LRRIQ3: variants seen among roughly 807,000 people sequenced by gnomAD.
LRRIQ3 encodes leucine rich repeats and IQ motif containing 3, also known as leucine-rich repeat and IQ domain-containing protein 3.
In LRRIQ3, 75 loss-of-function variants were observed where a neutral mutation model predicts 59.3. The observed-to-expected ratio is 1.26, with a 90% CI of 1.05 to 1.53. LRRIQ3 has a LOEUF of 1.53. LRRIQ3 is among the 40% of genes most tolerant of loss of function. The pLI, the probability that LRRIQ3 is intolerant of heterozygous loss-of-function variation, is 0.00. For synonymous variants in LRRIQ3, 250 were observed against 231.3 expected (o/e 1.08, Z -0.73); for missense variants, 831 against 710.0 (o/e 1.17, Z -1.94).
At chr1:74,033,961 GC>G (rs920382620) in intron 7 of LRRIQ3, among the ~76,000 whole-genome samples, 19 of 151,960 alleles carry the variant, frequency 1.3e-4, no homozygotes, top group African/African-American at 4.6e-4. Context: ...CCCCTGACTA[GC>G]TTTTATCTGA....
chr1:74,132,143 A>C (rs1647032806), intron 4 of LRRIQ3, among the ~76,000 whole-genome samples: 1 of 152,154 alleles, frequency 6.6e-6, no homozygotes. Context: ...AGAGAATAAA[A>C]TACCTAGGAA....
chr1:74,035,287 A>ATAGACG (rs1653836546), intron 7 of LRRIQ3, among the ~76,000 whole-genome samples: 1 of 147,514 alleles, frequency 6.8e-6, no homozygotes, highest in African/African-American at 2.7e-5. Context: ...AGAAGTAGAC[A>ATAGACG]TAGACATAGA....
intron 6 of LRRIQ3, 57 bp downstream of exon 6, chr1:74,074,604 A>G (rs528921016): frequency 1.2e-6 from 1 of 820,296 alleles, no homozygotes; most frequent in South Asian, 3.4e-5. Flanking sequence ...TAATTATATT[A>G]TTTACTCTTC....
intron 7 of LRRIQ3, among the ~76,000 whole-genome samples, chr1:74,032,011 T>C (rs569807542): frequency 1.1e-3 from 168 of 152,058 alleles, no homozygotes; most frequent in Middle Eastern, 3.4e-3. Flanking sequence ...AGTTATATCA[T>C]CTCAGAGATT....
chr1:74,101,105 A>G (rs1646524456), intron 5 of LRRIQ3, among the ~76,000 whole-genome samples: 1 of 152,206 alleles, frequency 6.6e-6, no homozygotes, highest in African/African-American at 2.4e-5. Context: ...AGAAACTACC[A>G]TCAGAGTGAA....
rs766440178 is a variant in LRRIQ3 at position 74,182,808 on chromosome 1, T to C, written c.303A>G (p.Leu101=). 2 of 1,595,780 alleles carry C rather than the reference T, an allele frequency of 1.3e-6. No individual in the cohort carries two copies. Among genetic ancestry groups the C allele is most frequent in the Non-Finnish European group, 8.5e-7 (1 of 1,170,476 alleles). ...KFWNGLKNLK[L]LYLHDNGFAK... ...CAAACCCATTGTCATGAAGATAGAG[T>C]AGTTTTAGGTTCTTCAATCCATTCC... Residue 101 remains leucine (L), a synonymous_variant, in exon 3 of 8, where the codon CTA becomes CTG. Coordinates refer to ENST00000354431, the MANE Select transcript of LRRIQ3 (RefSeq NM_001105659.2).
At chr1:74,172,701 T>C (rs1021001129) in intron 3 of LRRIQ3, among the ~76,000 whole-genome samples, 11 of 152,196 alleles carry the variant, frequency 7.2e-5, no homozygotes, top group Admixed American at 7.2e-4. Flanking sequence ...GTGTTTCTGT[T>C]TTCTCCTAAT....
intron 3 of LRRIQ3, among the ~76,000 whole-genome samples, chr1:74,165,524 G>C (rs192910618): frequency 6.6e-6 from 1 of 151,506 alleles, no homozygotes; most frequent in East Asian, 1.9e-4. Flanking sequence ...GTGATCATTT[G>C]ATCTGCAAAT....
Position 74,198,132 on chromosome 1 carries a change from TC to T in LRRIQ3, c.-138del. Reference sequence around the variant, plus strand: ...CAAGACAACATCCAAGTTCTCCACATCATGGTTTTCCGGGCGCCAGCCAAGG... The same window carrying T: ...CAAGACAACATCCAAGTTCTCCACATATGGTTTTCCGGGCGCCAGCCAAGG... On this transcript the variant is annotated 5_prime_UTR_variant, in exon 1 of 8. It removes an upstream start codon present in the reference 5' UTR. Transcript: ENST00000354431. The T allele has an allele frequency of 6.9e-7, 1 of 1,459,442 alleles. No individual in the cohort carries two copies. The highest frequency in any genetic ancestry group is 9.1e-7 in the Non-Finnish European group (1 of 1,102,772). 90.4% of individuals were successfully genotyped at this position (1,459,442 alleles called of 1,614,324 possible). A position where few individuals can be genotyped will look rare whatever the true frequency, so the allele number is the denominator to read the frequency against.
intron 5 of LRRIQ3, among the ~76,000 whole-genome samples, chr1:74,087,721 A>G (rs1017910860): frequency 1.3e-5 from 2 of 152,026 alleles, no homozygotes; most frequent in Admixed American, 6.6e-5. Flanking sequence ...TATGAGCAAA[A>G]CTGATTTTTT....
intron 6 of LRRIQ3, among the ~76,000 whole-genome samples, chr1:74,069,537 CTTTAA>C (rs1348587031): frequency 2.0e-5 from 3 of 151,672 alleles, no homozygotes; most frequent in East Asian, 1.9e-4. Flanking sequence ...GAAATAATAG[CTTTAA>C]TTTAAGTTAA....
chr1:74,157,501 G>A (rs867417626), intron 3 of LRRIQ3, among the ~76,000 whole-genome samples: 1 of 151,740 alleles, frequency 6.6e-6, no homozygotes, highest in Non-Finnish European at 1.5e-5. Flanking sequence ...CTTTCATTAA[G>A]AGCCCAAAAT....
chr1:74,101,539 T>C (rs965839677), intron 5 of LRRIQ3, among the ~76,000 whole-genome samples: 5 of 152,076 alleles, frequency 3.3e-5, no homozygotes, highest in Non-Finnish European at 7.4e-5. Flanking sequence ...TACCATTTGA[T>C]CCAGCCATCC....
rs115775792 is a variant in LRRIQ3, at chr1:74,115,089, C to T, written c.708-5536G>A. Among the ~76,000 whole-genome samples the T allele has an allele frequency of 1.3e-3, 195 of 151,910 alleles. 1 individual carries two copies. The highest frequency in any genetic ancestry group is 4.2e-3 in the African/African-American group (174 of 41,474). ...AGAAAGTAAACTCATAGAATTGAAGCGGTACAAATCATTTCCACAACCTAC... is the reference window on the plus strand; with the variant it reads ...AGAAAGTAAACTCATAGAATTGAAGTGGTACAAATCATTTCCACAACCTAC... On this transcript the variant is annotated intron_variant, in intron 4 of 7. Coordinates refer to ENST00000354431, the MANE Select transcript of LRRIQ3 (RefSeq NM_001105659.2).
Position 74,141,082 on chromosome 1 carries a change from T to A in LRRIQ3, c.707+14651A>T, listed in dbSNP as rs1472170810. ...AAAATACTGTGTTTGTTTGTCTGTA[T>A]AATTGAACTATTATCTTCTTATGAT... On this transcript the variant is annotated intron_variant, in intron 4 of 7. Transcript: ENST00000354431. Among the ~76,000 whole-genome samples the A allele has an allele frequency of 7.2e-5, 11 of 151,854 alleles. No homozygotes were observed. The Admixed American group carries it at 7.2e-4, about 10-fold the overall frequency.
intron 4 of LRRIQ3, among the ~76,000 whole-genome samples, chr1:74,132,237 T>C (rs113597717): frequency 0.021 from 3,234 of 152,214 alleles, 113 homozygotes; most frequent in African/African-American, 0.074. Context: ...CACAAACAAA[T>C]GGAAGAACAT....
At chr1:74,131,884 G>A (rs945529403) in intron 4 of LRRIQ3, among the ~76,000 whole-genome samples, 6 of 151,960 alleles carry the variant, frequency 3.9e-5, no homozygotes, top group Non-Finnish European at 7.4e-5. Context: ...CAAAGCAATC[G>A]GGCAGGAGAA....
chr1:74,087,580 C>T (rs1253780820), intron 5 of LRRIQ3, among the ~76,000 whole-genome samples: 1 of 151,384 alleles, frequency 6.6e-6, no homozygotes, highest in East Asian at 1.9e-4. Context: ...GTGAAAAAGG[C>T]ACATAAGAGC....
intron 4 of LRRIQ3, among the ~76,000 whole-genome samples, chr1:74,131,405 T>A (rs1349091908): frequency 6.6e-6 from 1 of 152,094 alleles, no homozygotes; most frequent in Non-Finnish European, 1.5e-5. Flanking sequence ...TACCAAAGCC[T>A]GGCAGAGACA....
Sources: allele counts gnomAD v4.1 joint callset (sites outside exome capture counted in the v4.1 genomes callset), GRCh38; gene constraint gnomAD v4.1.1; transcripts MANE v1.5; gene names NCBI Gene and HGNC (gene_info 2026-07-23, HGNC 2026-07-21).